UBR3: variants seen among roughly 807,000 people sequenced by gnomAD.
UBR3 encodes the protein ubiquitin protein ligase E3 component n-recognin 3, also known as E3 ubiquitin-protein ligase UBR3.
In UBR3, 85 loss-of-function variants were observed where a neutral mutation model predicts 243.2. That is an observed-to-expected ratio of 0.35 (90% CI 0.29 to 0.42). The LOEUF is 0.42. Among genes scored for constraint, UBR3 ranks in the 10% least tolerant of loss-of-function variants. The probability of loss-of-function intolerance (pLI) is 1.00; values close to 1 mark genes in which losing one functional copy is unlikely to be tolerated. For synonymous variants in UBR3, 748 were observed against 799.8 expected (o/e 0.94, Z 1.09); for missense variants, 1,686 against 2,300.8 (o/e 0.73, Z 5.47).
chr2:169,836,526 T>A (rs2082118605), intron 1 of UBR3, among the ~76,000 whole-genome samples: 1 of 151,838 alleles, frequency 6.6e-6, no homozygotes, highest in African/African-American at 2.4e-5. Context: ...AAAAAATAGC[T>A]AATGCATGCT....
At chr2:170,012,671 T>C (rs2105408935) in intron 29 of UBR3, among the ~76,000 whole-genome samples, 1 of 50,512 alleles carries the variant, frequency 2.0e-5, no homozygotes, top group South Asian at 1.4e-3. Context: ...ATGAAGATAC[T>C]GGTTTTTTTT....
rs941367404 is a variant in UBR3, at chr2:170,073,704, A to T, written c.5199+97A>T. 7 of 1,286,542 alleles carry T rather than the reference A, an allele frequency of 5.4e-6. 1 individual carries two copies. Among genetic ancestry groups the T allele is most frequent in the Admixed American group, 5.4e-5 (2 of 37,072 alleles). 79.7% of individuals were successfully genotyped at this position (1,286,542 alleles called of 1,614,324 possible). ...TTAAATTTTAGGTCATCTGTTTTTGACAGCAATTATAAAACTTGATTAAAT... is the reference window on the plus strand; with the variant it reads ...TTAAATTTTAGGTCATCTGTTTTTGTCAGCAATTATAAAACTTGATTAAAT... On this transcript the variant is annotated intron_variant, in intron 36 of 38. Transcript: ENST00000272793.
chr2:169,892,823 C>T (rs77272761), intron 6 of UBR3, among the ~76,000 whole-genome samples: 2 of 152,102 alleles, frequency 1.3e-5, no homozygotes, highest in South Asian at 2.1e-4. Context: ...GTTCTCTAAA[C>T]CTGCATTTTA....
chr2:169,924,325 G>A (rs1467354757), intron 13 of UBR3, among the ~76,000 whole-genome samples, 152 bp downstream of exon 13: 1 of 152,112 alleles, frequency 6.6e-6, no homozygotes, highest in African/African-American at 2.4e-5. Flanking sequence ...ATTATGTTTA[G>A]GTATTTTTCA....
In UBR3 at chr2:169,905,244, G is replaced by A. The variant is rs766675016; in HGVS notation, c.1596G>A (p.Glu532=). ...SHQSVAKRFL[E]DHGLLVTWMN... ...AAAGTGTGGCCAAGAGATTTTTGGA[G>A]GATCACGGTTTGTTAGTTACATGGA... The change falls in exon 9 of 39, where the codon GAG becomes GAA. Residue 532 remains glutamate (E), a synonymous_variant. Transcript: ENST00000272793. 8.4e-5 allele frequency: 129 copies of A among 1,542,906 alleles called. No individual in the cohort carries two copies. Among genetic ancestry groups the A allele is most frequent in the Non-Finnish European group, 4.3e-5 (49 of 1,143,218 alleles).
chr2:169,966,109 A>C (rs1337911988), intron 24 of UBR3, among the ~76,000 whole-genome samples: 1 of 152,170 alleles, frequency 6.6e-6, no homozygotes, highest in African/African-American at 2.4e-5. Context: ...AGTTTCCTAC[A>C]TGAAGAGGCA....
chr2:170,035,768 A>G (rs2090809064), intron 31 of UBR3, among the ~76,000 whole-genome samples: 1 of 151,992 alleles, frequency 6.6e-6, no homozygotes, highest in East Asian at 1.9e-4. Flanking sequence ...ACATCTTGAC[A>G]ATATTGAGTC....
At chr2:169,861,691 TATTA>T (rs1402001592) in intron 1 of UBR3, among the ~76,000 whole-genome samples, 3 of 152,108 alleles carry the variant, frequency 2.0e-5, no homozygotes, top group Non-Finnish European at 2.9e-5. Flanking sequence ...TTTTTATGTT[TATTA>T]ATTTTATGTT....
chr2:169,859,484 T>G (rs1161442774), intron 1 of UBR3, among the ~76,000 whole-genome samples: 1 of 152,162 alleles, frequency 6.6e-6, no homozygotes, highest in Non-Finnish European at 1.5e-5. Flanking sequence ...TCTTCAGATT[T>G]TTTTTTGTTT....
At chr2:170,081,096 T>A (rs13395018) in intron 38 of UBR3, among the ~76,000 whole-genome samples, 10,269 of 151,600 alleles carry the variant, frequency 0.068, 365 homozygotes, top group Non-Finnish European at 0.086. Context: ...CGGGAGGAGG[T>A]GGAAGGATCG....
chr2:169,974,988 C>G (rs887353157), intron 24 of UBR3, among the ~76,000 whole-genome samples: 1 of 152,118 alleles, frequency 6.6e-6, no homozygotes, highest in Non-Finnish European at 1.5e-5. Context: ...CAGAACCAGC[C>G]TGCACAACAT....
At chr2:169,957,618 G>A (rs1048903710) in intron 23 of UBR3, among the ~76,000 whole-genome samples, 5 of 151,336 alleles carry the variant, frequency 3.3e-5, no homozygotes, top group Non-Finnish European at 5.9e-5. Flanking sequence ...TGTAAATGAC[G>A]AGTTAATGGG....
rs3082964 is a variant in UBR3, at chr2:169,891,613, G to GACACACACACACAC, written c.1105+396_1105+409dup. Among the ~76,000 whole-genome samples, 569 of 148,906 alleles carry GACACACACACACAC rather than the reference G, an allele frequency of 3.8e-3. 5 individuals are homozygous for GACACACACACACAC. The highest frequency in any genetic ancestry group is 0.012 in the African/African-American group (503 of 40,272). ...GATGACATGGTGAGAGAGAGACAGA[G>GACACACACACACAC]ACACACACACACACACACACACACA... On this transcript the variant is annotated intron_variant, in intron 6 of 38. Transcript: ENST00000272793.
chr2:170,054,040 C>T (rs2091279574), intron 32 of UBR3, among the ~76,000 whole-genome samples: 2 of 152,186 alleles, frequency 1.3e-5, no homozygotes, highest in African/African-American at 2.4e-5. Context: ...ATTAAAGCTT[C>T]CATTTATTAA....
intron 10 of UBR3, among the ~76,000 whole-genome samples, chr2:169,907,281 A>C (rs1250349819): frequency 6.6e-6 from 1 of 152,004 alleles, no homozygotes; most frequent in Non-Finnish European, 1.5e-5. Context: ...TTATTCATGT[A>C]GATCCCCTTG....
chr2:170,006,364 A>C (rs960681276), intron 27 of UBR3, among the ~76,000 whole-genome samples: 2 of 152,242 alleles, frequency 1.3e-5, no homozygotes, highest in African/African-American at 4.8e-5. Flanking sequence ...ATTTAGGAAG[A>C]TATGTTGTTA....
chr2:169,880,208 G>A (rs888441057), intron 5 of UBR3, among the ~76,000 whole-genome samples: 2 of 152,104 alleles, frequency 1.3e-5, no homozygotes, highest in Non-Finnish European at 2.9e-5. Flanking sequence ...GACAACTATT[G>A]CATGATGAAA....
chr2:169,832,034 TTG>T (rs2081956971), intron 1 of UBR3, among the ~76,000 whole-genome samples: 1 of 152,228 alleles, frequency 6.6e-6, no homozygotes, highest in African/African-American at 2.4e-5. Flanking sequence ...TAGGATGTTC[TTG>T]ATTGGAGATG....
chr2:169,936,589 G>A (rs527883555), intron 19 of UBR3, among the ~76,000 whole-genome samples: 1 of 151,796 alleles, frequency 6.6e-6, no homozygotes, highest in Non-Finnish European at 1.5e-5. Flanking sequence ...TCTTACATAT[G>A]TATACATGTG....
Sources: gnomAD v4.1 joint callset for allele counts (sites outside exome capture counted in the v4.1 genomes callset) on GRCh38, gnomAD v4.1.1 for gene constraint, MANE v1.5 for transcripts, NCBI Gene and HGNC (gene_info 2026-07-23, HGNC 2026-07-21) for gene names.